CSRNP3: variants seen among roughly 807,000 people sequenced by gnomAD.
CSRNP3 encodes cysteine and serine rich nuclear protein 3.
In CSRNP3, 12 loss-of-function variants were observed where a neutral mutation model predicts 48.0. The observed-to-expected ratio is 0.25, with a 90% CI of 0.16 to 0.41. CSRNP3 has a LOEUF of 0.41. Among genes scored for constraint, CSRNP3 ranks in the 10% least tolerant of loss-of-function variants. The pLI, the probability that CSRNP3 is intolerant of heterozygous loss-of-function variation, is 1.00. For synonymous variants in CSRNP3, 263 were observed against 269.7 expected (o/e 0.98, Z 0.24); for missense variants, 580 against 724.4 (o/e 0.80, Z 2.29).
intron 4 of CSRNP3, among the ~76,000 whole-genome samples, chr2:165,634,862 T>C (rs1686601323): frequency 6.6e-6 from 1 of 152,248 alleles, no homozygotes; most frequent in East Asian, 1.9e-4. Context: ...TGCTATTTGA[T>C]GTGCATCTGT....
intron 4 of CSRNP3, among the ~76,000 whole-genome samples, chr2:165,603,372 A>T (rs1685950165): frequency 6.6e-6 from 1 of 152,072 alleles, no homozygotes; most frequent in African/African-American, 2.4e-5. Context: ...CTTCAATTCC[A>T]TTCATGTCTT....
chr2:165,641,974 T>C (rs1686728175), intron 4 of CSRNP3, among the ~76,000 whole-genome samples: 2 of 152,156 alleles, frequency 1.3e-5, no homozygotes, highest in Non-Finnish European at 2.9e-5. Flanking sequence ...TGAGGTTACG[T>C]TTGGCTTTGG....
At chr2:165,547,818 A>G (rs1044088896) in intron 3 of CSRNP3, among the ~76,000 whole-genome samples, 75 of 152,142 alleles carry the variant, frequency 4.9e-4, no homozygotes, top group African/African-American at 1.8e-3. Context: ...TTATAAATAA[A>G]AAAGTATTAA....
chr2:165,520,784 TATATATATATATATATATATATATATATA>T (rs1684645374), intron 3 of CSRNP3, among the ~76,000 whole-genome samples: 2 of 3,208 alleles, frequency 6.2e-4, no homozygotes, highest in African/African-American at 1.8e-3. Context: ...ATATATATAT[TATATATATATATATATATATATATATATA>T]TATATATATA....
chr2:165,539,724 G>A (rs903874128), intron 3 of CSRNP3, among the ~76,000 whole-genome samples: 1 of 152,056 alleles, frequency 6.6e-6, no homozygotes, highest in Admixed American at 6.6e-5. Flanking sequence ...GCCTGCTAGA[G>A]ATACAGTTAA....
intron 3 of CSRNP3, among the ~76,000 whole-genome samples, chr2:165,523,241 C>A (rs927080296): frequency 6.6e-6 from 1 of 152,174 alleles, no homozygotes; most frequent in African/African-American, 2.4e-5. Context: ...GAGGCTGAGA[C>A]CTTTTGCCAT....
chr2:165,640,619 T>C (rs1686707686), intron 4 of CSRNP3, among the ~76,000 whole-genome samples: 1 of 152,166 alleles, frequency 6.6e-6, no homozygotes. Flanking sequence ...CTCTCCCCAT[T>C]TTCTGAATAA....
At chr2:165,476,301 A>C (rs1004225890) in intron 1 of CSRNP3, among the ~76,000 whole-genome samples, 1 of 152,208 alleles carries the variant, frequency 6.6e-6, no homozygotes, top group Non-Finnish European at 1.5e-5. Context: ...ACAAGTGTGC[A>C]TGCTTGCTTG....
chr2:165,635,234 G>A (rs980290242), intron 4 of CSRNP3, among the ~76,000 whole-genome samples: 2 of 152,184 alleles, frequency 1.3e-5, no homozygotes, highest in Non-Finnish European at 2.9e-5. Context: ...TTGAAAAGCT[G>A]ACTGAGATCA....
intron 5 of CSRNP3, among the ~76,000 whole-genome samples, chr2:165,667,131 GAA>G (rs1389907504): frequency 7.5e-5 from 11 of 147,122 alleles, no homozygotes; most frequent in South Asian, 4.4e-4. Flanking sequence ...GAGAAAGAAA[GAA>G]AGAGAGAGAG....
At chr2:165,663,438 T>C (rs1687130145) in intron 5 of CSRNP3, among the ~76,000 whole-genome samples, 1 of 152,190 alleles carries the variant, frequency 6.6e-6, no homozygotes, top group Non-Finnish European at 1.5e-5. Context: ...TTTGATGTGC[T>C]CAATACCTGC....
chr2:165,577,289 T>G (rs1187032614), intron 3 of CSRNP3, among the ~76,000 whole-genome samples: 1 of 151,928 alleles, frequency 6.6e-6, no homozygotes, highest in Non-Finnish European at 1.5e-5. Flanking sequence ...TTGCCTATTC[T>G]AGAATTTACA....
intron 3 of CSRNP3, among the ~76,000 whole-genome samples, chr2:165,584,417 C>T (rs754519016): frequency 6.6e-6 from 1 of 152,076 alleles, no homozygotes; most frequent in Non-Finnish European, 1.5e-5. Flanking sequence ...GATCACATGA[C>T]TGAAACAAAG....
At chr2:165,549,560 A>C (rs1400220911) in intron 3 of CSRNP3, among the ~76,000 whole-genome samples, 1 of 152,036 alleles carries the variant, frequency 6.6e-6, no homozygotes, top group Non-Finnish European at 1.5e-5. Flanking sequence ...TATATATAAC[A>C]TTATTTTTCT....
intron 2 of CSRNP3, among the ~76,000 whole-genome samples, chr2:165,506,426 C>T (rs1434153022): frequency 1.3e-5 from 2 of 152,064 alleles, no homozygotes; most frequent in African/African-American, 4.8e-5. Context: ...ACCAACCCAT[C>T]CGTGCCTCAG....
chr2:165,616,134 A>C (rs867563959), intron 4 of CSRNP3, among the ~76,000 whole-genome samples: 1 of 152,062 alleles, frequency 6.6e-6, no homozygotes, highest in Non-Finnish European at 1.5e-5. Flanking sequence ...CATCCAGTCT[A>C]TATTTTTTAA....
At chr2:165,477,498 A>ATATAT (rs1394959197) in intron 1 of CSRNP3, among the ~76,000 whole-genome samples, 5 of 112,022 alleles carry the variant, frequency 4.5e-5, no homozygotes, top group Admixed American at 9.6e-5. Flanking sequence ...ATATATATAT[A>ATATAT]ATACAAATAT....
chr2:165,640,060 C>T (rs1686698855), intron 4 of CSRNP3, among the ~76,000 whole-genome samples: 1 of 152,130 alleles, frequency 6.6e-6, no homozygotes, highest in Non-Finnish European at 1.5e-5. Flanking sequence ...GGGCTGGTTG[C>T]CTCCAATGAA....
intron 4 of CSRNP3, among the ~76,000 whole-genome samples, chr2:165,655,090 A>G (rs1686980422): frequency 6.6e-6 from 1 of 152,212 alleles, no homozygotes; most frequent in Non-Finnish European, 1.5e-5. Context: ...AAATGAGACA[A>G]AGGAGCTTGA....
Sources: gnomAD v4.1 joint callset for allele counts (sites outside exome capture counted in the v4.1 genomes callset) on GRCh38, gnomAD v4.1.1 for gene constraint, MANE v1.5 for transcripts, NCBI Gene and HGNC (gene_info 2026-07-23, HGNC 2026-07-21) for gene names.